LINGO2: variants seen among roughly 807,000 people sequenced by gnomAD.
LINGO2 encodes leucine-rich repeat and immunoglobulin-like domain-containing nogo receptor-interacting protein 2.
Under a neutral mutation model 30.6 loss-of-function variants are expected in LINGO2, and 14 were observed. The ratio of observed to expected loss-of-function variants is 0.46; its 90% CI spans 0.30 to 0.72. LINGO2 has a LOEUF of 0.72. LINGO2 is among the 30% of genes least tolerant of loss of function. LINGO2 has a pLI of 0.07. For missense variants in LINGO2, 729 were observed against 751.7 expected (o/e 0.97, Z 0.35); for synonymous variants, 317 against 288.5 (o/e 1.10, Z -1.00).
intron 5 of LINGO2, among the ~76,000 whole-genome samples, chr9:27,989,568 C>T (rs1821294538): frequency 6.6e-6 from 1 of 151,798 alleles, no homozygotes; most frequent in Non-Finnish European, 1.5e-5. Flanking sequence ...ATGAAATGCT[C>T]AGGCAGACAT....
the LINGO2 span, among the ~76,000 whole-genome samples, chr9:29,018,023 C>CATATAT: frequency 6.5e-5 from 6 of 92,356 alleles, no homozygotes; most frequent in African/African-American, 2.2e-4. Context: ...TATAAATCTG[C>CATATAT]ATATATATAT....
the LINGO2 span, among the ~76,000 whole-genome samples, chr9:28,940,567 A>T: frequency 2.0e-5 from 3 of 152,174 alleles, no homozygotes; most frequent in African/African-American, 7.2e-5. Flanking sequence ...TATTATATTA[A>T]CTAACACATT....
chr9:29,064,474 A>C, the LINGO2 span, among the ~76,000 whole-genome samples: 1 of 152,084 alleles, frequency 6.6e-6, no homozygotes, highest in Admixed American at 6.6e-5. Flanking sequence ...TGGTCTACAG[A>C]ATAGTTTATC....
the LINGO2 span, among the ~76,000 whole-genome samples, chr9:29,058,419 C>T: frequency 6.6e-6 from 1 of 151,688 alleles, no homozygotes; most frequent in Admixed American, 6.6e-5. Flanking sequence ...AGGAAAAACA[C>T]CTGGAAGTAA....
At chr9:28,661,283 C>T (rs991885113) in intron 1 of LINGO2, among the ~76,000 whole-genome samples, 1 of 152,102 alleles carries the variant, frequency 6.6e-6, no homozygotes, top group African/African-American at 2.4e-5. Context: ...AGATATGTGA[C>T]CCAGTCACTC....
At chr9:27,958,153 T>C (rs181414911) in intron 5 of LINGO2, among the ~76,000 whole-genome samples, 1 of 152,304 alleles carries the variant, frequency 6.6e-6, no homozygotes, top group East Asian at 1.9e-4. Flanking sequence ...TTTTTTAAAA[T>C]TACAAGTGAG....
chr9:29,005,907 T>A, the LINGO2 span, among the ~76,000 whole-genome samples: 2 of 151,970 alleles, frequency 1.3e-5, no homozygotes, highest in African/African-American at 4.8e-5. Context: ...TTTTTCTGAA[T>A]ATTTTTGGTC....
intron 1 of LINGO2, among the ~76,000 whole-genome samples, chr9:28,573,074 A>G (rs556154690): frequency 3.3e-5 from 5 of 152,302 alleles, no homozygotes; most frequent in African/African-American, 9.6e-5. Context: ...AAATATTTGC[A>G]GAAATTTATT....
chr9:28,701,503 G>A, the LINGO2 span, among the ~76,000 whole-genome samples: 37 of 151,778 alleles, frequency 2.4e-4, no homozygotes, highest in African/African-American at 8.5e-4. Context: ...TATTCTGTTC[G>A]ATCGATCTGT....
chr9:27,968,625 G>A (rs767928744), intron 5 of LINGO2, among the ~76,000 whole-genome samples: 1 of 151,704 alleles, frequency 6.6e-6, no homozygotes, highest in Non-Finnish European at 1.5e-5. Flanking sequence ...TTTTCAATGC[G>A]CATTGTATTG....
intron 4 of LINGO2, among the ~76,000 whole-genome samples, chr9:28,031,410 G>A (rs943731737): frequency 6.7e-6 from 1 of 150,158 alleles, no homozygotes; most frequent in Non-Finnish European, 1.5e-5. Context: ...TTATATTTAT[G>A]GGTTACAATA....
At chr9:28,262,078 A>G (rs1277830159) in intron 4 of LINGO2, among the ~76,000 whole-genome samples, 2 of 151,996 alleles carry the variant, frequency 1.3e-5, no homozygotes, top group African/African-American at 4.8e-5. Flanking sequence ...TCACCTGCAC[A>G]TGATCTATGT....
chr9:28,857,780 A>C, the LINGO2 span, among the ~76,000 whole-genome samples: 1 of 152,230 alleles, frequency 6.6e-6, no homozygotes, highest in African/African-American at 2.4e-5. Flanking sequence ...AAAATTTTTT[A>C]CACTGATTAA....
chr9:28,091,961 G>T (rs1396034143), intron 4 of LINGO2, among the ~76,000 whole-genome samples: 5 of 152,066 alleles, frequency 3.3e-5, no homozygotes, highest in Non-Finnish European at 5.9e-5. Context: ...ATCATCACTG[G>T]CCATCAGAGA....
chr9:28,145,540 C>A (rs891173124), intron 4 of LINGO2, among the ~76,000 whole-genome samples: 9 of 152,110 alleles, frequency 5.9e-5, no homozygotes, highest in African/African-American at 1.9e-4. Context: ...TACTCTAATT[C>A]AGTTCTGAGA....
chr9:29,082,773 G>A, the LINGO2 span, among the ~76,000 whole-genome samples: 1 of 152,062 alleles, frequency 6.6e-6, no homozygotes, highest in African/African-American at 2.4e-5. Context: ...GTGGGCGAAG[G>A]ATATGAACAG....
intron 3 of LINGO2, among the ~76,000 whole-genome samples, chr9:28,332,592 A>G (rs2134351270): frequency 6.6e-6 from 1 of 152,158 alleles, no homozygotes; most frequent in Middle Eastern, 3.4e-3. Flanking sequence ...ACAGAAAAAA[A>G]AAAAGGCAGG....
chr9:28,047,456 C>G (rs946352641), intron 4 of LINGO2, among the ~76,000 whole-genome samples: 10 of 143,070 alleles, frequency 7.0e-5, no homozygotes, highest in Non-Finnish European at 1.4e-4. Flanking sequence ...AGCACAGTAA[C>G]TTTTTATTCA....
chr9:28,870,786 A>G, the LINGO2 span, among the ~76,000 whole-genome samples: 1 of 152,134 alleles, frequency 6.6e-6, no homozygotes, highest in Non-Finnish European at 1.5e-5. Flanking sequence ...CTAAAGAAAT[A>G]TCAACAAGTA....
Sources: allele counts gnomAD v4.1 joint callset (sites outside exome capture counted in the v4.1 genomes callset), GRCh38; gene constraint gnomAD v4.1.1; transcripts MANE v1.5; gene names NCBI Gene and HGNC (gene_info 2026-07-23, HGNC 2026-07-21).